The following SPECC1L variants were observed in gnomAD, a reference collection of about 807,000 sequenced individuals.
SPECC1L encodes the protein sperm antigen with calponin homology and coiled-coil domains 1 like.
Under a neutral mutation model 116.8 loss-of-function variants are expected in SPECC1L, and 40 were observed. That is an observed-to-expected ratio of 0.34 (90% CI 0.27 to 0.45). SPECC1L has a LOEUF of 0.45. Among genes scored for constraint, SPECC1L ranks in the 20% least tolerant of loss-of-function variants. The pLI is 1.00. For synonymous variants in SPECC1L, 504 were observed against 500.6 expected (o/e 1.01, Z -0.09); for missense variants, 1,110 against 1,373.6 (o/e 0.81, Z 3.03).
At chr22:24,318,919 A>C (rs892927067) in intron 4 of SPECC1L, among the ~76,000 whole-genome samples, 1 of 147,250 alleles carries the variant, frequency 6.8e-6, no homozygotes, top group Non-Finnish European at 1.5e-5. Flanking sequence ...CAGAGCCTCA[A>C]AAAAAAAAAA....
chr22:24,386,465 T>C (rs1385016267), intron 14 of SPECC1L, among the ~76,000 whole-genome samples: 3 of 152,036 alleles, frequency 2.0e-5, no homozygotes, highest in African/African-American at 7.2e-5. Flanking sequence ...ATAAGAGGTA[T>C]AAAATTGGAA....
At chr22:24,299,358 G>A (rs2049329796) in intron 2 of SPECC1L, among the ~76,000 whole-genome samples, 3 of 152,076 alleles carry the variant, frequency 2.0e-5, no homozygotes, top group African/African-American at 7.2e-5. Context: ...GATCCATTGA[G>A]CTTGGAAGGT....
chr22:24,413,248 C>T (rs1385569906), intron 16 of SPECC1L, among the ~76,000 whole-genome samples: 1 of 152,184 alleles, frequency 6.6e-6, no homozygotes, highest in Admixed American at 6.5e-5. Context: ...CCGGCGTGTT[C>T]TCAGGTTCTT....
intron 14 of SPECC1L, among the ~76,000 whole-genome samples, chr22:24,376,700 A>G (rs1401328219): frequency 3.3e-5 from 5 of 152,126 alleles, no homozygotes; most frequent in Non-Finnish European, 5.9e-5. Context: ...AGACTTCCAC[A>G]CTCAGGCCTG....
chr22:24,364,195 T>C (rs2041703154), intron 12 of SPECC1L, among the ~76,000 whole-genome samples: 1 of 152,200 alleles, frequency 6.6e-6, no homozygotes, highest in Admixed American at 6.5e-5. Context: ...TACCAGTGGC[T>C]AAAGTGCCTA....
chr22:24,406,883 T>C (rs2042602252), intron 14 of SPECC1L, among the ~76,000 whole-genome samples: 1 of 152,218 alleles, frequency 6.6e-6, no homozygotes, highest in Non-Finnish European at 1.5e-5. Context: ...GTTAGAGTTT[T>C]CAGCCTGGAA....
chr22:24,363,400 TCA>T, intron 12 of SPECC1L, 56 bp downstream of exon 12: 1 of 1,443,176 alleles, frequency 6.9e-7, no homozygotes, highest in Non-Finnish European at 9.7e-7. Flanking sequence ...AGACAGGATC[TCA>T]CTATGTTGCC....
intron 8 of SPECC1L, among the ~76,000 whole-genome samples, chr22:24,332,941 C>G (rs563659481): frequency 6.6e-6 from 1 of 152,116 alleles, no homozygotes; most frequent in East Asian, 1.9e-4. Flanking sequence ...ATTAAAAGTT[C>G]TAATCAGCCG....
At chr22:24,395,702 A>G (rs781081733) in intron 14 of SPECC1L, among the ~76,000 whole-genome samples, 1 of 151,878 alleles carries the variant, frequency 6.6e-6, no homozygotes, top group East Asian at 1.9e-4. Flanking sequence ...CAGTGGCGTG[A>G]TATCAGCTCA....
Position 24,328,843 on chromosome 22 carries a change from C to G in SPECC1L, c.2147-3C>G. The G allele has an allele frequency of 6.2e-7, 1 of 1,609,554 alleles. No individual in the cohort carries two copies. Among genetic ancestry groups the G allele is most frequent in the Non-Finnish European group, 8.5e-7 (1 of 1,176,130 alleles). On this transcript the variant is annotated splice_region_variant and splice_polypyrimidine_tract_variant and intron_variant, in intron 6 of 16. Transcript: ENST00000314328. ...GATATTTAAACTTTGGTGATCTTTT[C>G]AGATACAGTTAAAAAACTCCAGGAC...
chr22:24,409,537 C>T (rs980519318), intron 14 of SPECC1L, among the ~76,000 whole-genome samples: 3 of 152,106 alleles, frequency 2.0e-5, no homozygotes, highest in African/African-American at 7.2e-5. Flanking sequence ...CCTGTAATCC[C>T]AGCACTTTGG....
At chr22:24,283,164 C>A (rs2048978094) in intron 2 of SPECC1L, among the ~76,000 whole-genome samples, 1 of 152,026 alleles carries the variant, frequency 6.6e-6, no homozygotes, top group Non-Finnish European at 1.5e-5. Context: ...CTGCAAGCTC[C>A]TCTTCCTGGG....
chr22:24,359,281 C>T (rs1441417266), intron 11 of SPECC1L, among the ~76,000 whole-genome samples: 1 of 152,158 alleles, frequency 6.6e-6, no homozygotes, highest in East Asian at 1.9e-4. Flanking sequence ...CTCCATGTCA[C>T]CGAGTGCACT....
intron 14 of SPECC1L, among the ~76,000 whole-genome samples, chr22:24,384,476 A>G (rs2042123095): frequency 6.6e-6 from 1 of 152,260 alleles, no homozygotes. Flanking sequence ...TAATAAAAAT[A>G]TCTTGTTTAA....
intron 6 of SPECC1L, among the ~76,000 whole-genome samples, 165 bp from the exon 7 acceptor site, chr22:24,328,681 C>T (rs1013207191): frequency 1.4e-4 from 21 of 152,112 alleles, no homozygotes; most frequent in African/African-American, 4.6e-4. Flanking sequence ...TTTGTTATTA[C>T]TTGAATTTAA....
chr22:24,412,673 AGG>A lies in SPECC1L; in HGVS notation c.3231_3232del (p.Gln1077HisfsTer3). 1 of 1,614,184 alleles carries A rather than the reference AGG, an allele frequency of 6.2e-7. No homozygotes were observed. ...AGAAGGAACTTCATGCTGGCTTTCC[AGG>A]CAGCTGAAAGTGTCGGCATCAAATC... On this transcript the variant is annotated frameshift_variant, in exon 16 of 17. Transcript: ENST00000314328. LOFTEE classifies it high-confidence loss of function.
At chr22:24,303,624 G>T (rs979247097) in intron 3 of SPECC1L, among the ~76,000 whole-genome samples, 2 of 152,148 alleles carry the variant, frequency 1.3e-5, no homozygotes, top group Non-Finnish European at 2.9e-5. Context: ...TCCTTCTGTG[G>T]CCTCTTCGTC....
At position 24,387,499 on chromosome 22, in the gene SPECC1L, A is replaced by G. The variant is rs1300186455; in HGVS notation, c.3087+18179A>G. Among the ~76,000 whole-genome samples, 9 of 152,320 alleles carry G rather than the reference A, an allele frequency of 5.9e-5. No homozygotes were observed. In the East Asian group the frequency reaches 1.5e-3, roughly 26 times the overall value. The stretch of plus-strand genomic sequence containing the variant: ...GAAAATTCTTTTAGCTGTACTTATC[A>G]TTTGGGTACTTCATGTATATTGAGC... On this transcript the variant is annotated intron_variant, in intron 14 of 16. Coordinates refer to ENST00000314328, the MANE Select transcript of SPECC1L (RefSeq NM_015330.6).
chr22:24,313,464 CAGGTA>C lies in SPECC1L; in HGVS notation c.307_307+4del. The C allele has an allele frequency of 6.2e-7, 1 of 1,613,900 alleles. No individual in the cohort carries two copies. The highest frequency in any genetic ancestry group is 8.5e-7 in the Non-Finnish European group (1 of 1,180,026). On this transcript the variant is annotated splice_donor_variant and splice_donor_region_variant and coding_sequence_variant and intron_variant, in exon 4 of 17. Transcript: ENST00000314328. LOFTEE classifies it high-confidence loss of function. ...GTGGAGAACAAATCCAAGATTAGCACAGGTAACGGTGACATTCAGTCTGAGACTTC... is the reference window on the plus strand; with the variant it reads ...GTGGAGAACAAATCCAAGATTAGCACACGGTGACATTCAGTCTGAGACTTC...
Sources: gnomAD v4.1 joint callset for allele counts (sites outside exome capture counted in the v4.1 genomes callset) on GRCh38, gnomAD v4.1.1 for gene constraint, MANE v1.5 for transcripts, NCBI Gene and HGNC (gene_info 2026-07-23, HGNC 2026-07-21) for gene names.